The following GPC5 variants were observed in gnomAD, a reference collection of about 807,000 sequenced individuals.
GPC5 encodes the protein glypican-5.
GPC5 carries 47 observed loss-of-function variants against 53.9 expected under a neutral mutation model. The observed-to-expected ratio is 0.87, with a 90% CI of 0.69 to 1.11. The LOEUF (loss-of-function observed/expected upper bound fraction) is 1.11, where lower values mean the gene tolerates loss of function less well. Among genes scored for constraint, GPC5 ranks in the 50% most tolerant of loss-of-function variants. GPC5 has a pLI of 0.00. For synonymous variants in GPC5, 286 were observed against 263.3 expected, an observed-to-expected ratio of 1.09 and a Z score of -0.84; for missense variants, 748 against 713.1, an observed-to-expected ratio of 1.05 and a Z score of -0.56.
At chr13:91,570,744 A>T (rs1474475011) in intron 2 of GPC5, among the ~76,000 whole-genome samples, 1 of 152,162 alleles carries the variant, frequency 6.6e-6, no homozygotes, top group Non-Finnish European at 1.5e-5. Context: ...AATTAGAGCC[A>T]TCGGTGATTT....
At chr13:91,973,629 G>A (rs1335076718) in intron 6 of GPC5, among the ~76,000 whole-genome samples, 1 of 152,154 alleles carries the variant, frequency 6.6e-6, no homozygotes, top group Non-Finnish European at 1.5e-5. Context: ...TGATGGTGAT[G>A]TACAGATGGG....
At chr13:92,183,603 C>T (rs1222187852) in intron 7 of GPC5, among the ~76,000 whole-genome samples, 1 of 151,886 alleles carries the variant, frequency 6.6e-6, no homozygotes, top group Admixed American at 6.6e-5. Context: ...AGATTAAAAA[C>T]CCTTGGAAAA....
chr13:92,476,306 C>T (rs1161134743), intron 7 of GPC5, among the ~76,000 whole-genome samples: 1 of 152,162 alleles, frequency 6.6e-6, no homozygotes, highest in Non-Finnish European at 1.5e-5. Flanking sequence ...CTCATCATCA[C>T]TGGCTATCAG....
chr13:91,577,157 A>G (rs542069885), intron 2 of GPC5, among the ~76,000 whole-genome samples: 196 of 152,260 alleles, frequency 1.3e-3, no homozygotes, highest in African/African-American at 4.5e-3. Flanking sequence ...CCTGCCATAA[A>G]TTGACTGAAG....
At chr13:92,485,180 CT>C (rs1438281367) in intron 7 of GPC5, among the ~76,000 whole-genome samples, 1 of 152,098 alleles carries the variant, frequency 6.6e-6, no homozygotes, top group African/African-American at 2.4e-5. Context: ...AACACTAAAC[CT>C]GTGCAAATGA....
chr13:92,101,846 T>C (rs964032355), intron 6 of GPC5, among the ~76,000 whole-genome samples: 2 of 152,224 alleles, frequency 1.3e-5, no homozygotes, highest in Non-Finnish European at 2.9e-5. Flanking sequence ...TGGCATGTGA[T>C]GAAGACTATA....
At chr13:91,452,665 A>G (rs1881264791) in intron 2 of GPC5, among the ~76,000 whole-genome samples, 1 of 152,062 alleles carries the variant, frequency 6.6e-6, no homozygotes, top group African/African-American at 2.4e-5. Flanking sequence ...AAATAGGGGA[A>G]ATTGATGGAG....
intron 2 of GPC5, among the ~76,000 whole-genome samples, chr13:91,557,873 T>C (rs2031045177): frequency 6.6e-6 from 1 of 152,082 alleles, no homozygotes; most frequent in African/African-American, 2.4e-5. Context: ...AAAGCACAGG[T>C]TCTACAGCTT....
At position 91,520,684 on chromosome 13, in the gene GPC5, AT is replaced by A. The variant is rs112598494; in HGVS notation, c.325+71763del. On this transcript the variant is annotated intron_variant, in intron 2 of 7. Coordinates refer to ENST00000377067, the MANE Select transcript of GPC5 (RefSeq NM_004466.6). ...TGTGGGTATATATGTGTGTATATAT[AT>A]GTGTGTATATATGTATATATATGTG... 8.6e-5 allele frequency among the ~76,000 whole-genome samples: 13 copies of A among 151,740 alleles called. 1 individual carries two copies. The highest frequency in any genetic ancestry group is 3.2e-4 in the African/African-American group (13 of 41,266).
chr13:92,556,793 G>GTT (rs1309271054), intron 7 of GPC5, among the ~76,000 whole-genome samples: 3 of 151,824 alleles, frequency 2.0e-5, no homozygotes, highest in Non-Finnish European at 4.4e-5. Flanking sequence ...TTAAAACGGT[G>GTT]TTAATCATCT....
rs573317630 is a variant in GPC5 at position 91,913,323 on chromosome 13, C to T, written c.1401+5266C>T. ...CTGAGGCAGAAGAATCGCTTGAACC[C>T]GGGAGATGGAGGTTGCAGTGAGCCA... On this transcript the variant is annotated intron_variant, in intron 6 of 7. Coordinates refer to ENST00000377067, the MANE Select transcript of GPC5 (RefSeq NM_004466.6). Among the ~76,000 whole-genome samples, 7 of 150,762 alleles carry T rather than the reference C, an allele frequency of 4.6e-5. No homozygotes were observed. In the South Asian group the frequency reaches 8.4e-4, roughly 18 times the overall value.
At chr13:91,725,160 C>A (rs1169540791) in intron 3 of GPC5, 1 of 152,180 alleles carries the variant, frequency 6.6e-6, no homozygotes, top group African/African-American at 2.4e-5. Flanking sequence ...CTAAGAGAGT[C>A]ATTTCAAGGT....
intron 7 of GPC5, among the ~76,000 whole-genome samples, chr13:92,722,456 T>C (rs1888532502): frequency 6.6e-6 from 1 of 151,872 alleles, no homozygotes; most frequent in African/African-American, 2.4e-5. Flanking sequence ...CTTAGCCACT[T>C]AACCACAGAA....
intron 6 of GPC5, among the ~76,000 whole-genome samples, chr13:91,979,672 G>A (rs927171141): frequency 1.3e-5 from 2 of 152,186 alleles, no homozygotes; most frequent in Non-Finnish European, 2.9e-5. Context: ...TATTCCTGCG[G>A]CTCCTCTGTG....
chr13:91,532,358 G>A (rs557089668), intron 2 of GPC5, among the ~76,000 whole-genome samples: 1 of 152,204 alleles, frequency 6.6e-6, no homozygotes, highest in African/African-American at 2.4e-5. Context: ...CCAAATAAAT[G>A]AACTAATTGC....
At chr13:91,698,924 G>A (rs2035938619) in intron 3 of GPC5, among the ~76,000 whole-genome samples, 1 of 152,130 alleles carries the variant, frequency 6.6e-6, no homozygotes, top group Non-Finnish European at 1.5e-5. Flanking sequence ...AAGACACGCA[G>A]ACACACAGGC....
rs190131114 is a variant in GPC5, at chr13:92,618,352, T to C, written c.1562-247930T>C. On this transcript the variant is annotated intron_variant, in intron 7 of 7. Transcript: ENST00000377067. ...AGGAAAACTAGAAAAAAGTAGTATT[T>C]AGGTTAATTTGACTTCTGCTCCCCA... Among the ~76,000 whole-genome samples, 70 of 152,176 alleles carry C rather than the reference T, an allele frequency of 4.6e-4. 1 individual carries two copies. The highest frequency in any genetic ancestry group is 3.4e-3 in the Middle Eastern group (1 of 294).
chr13:91,740,321 A>AT (rs1362890065), intron 4 of GPC5, among the ~76,000 whole-genome samples: 1 of 151,954 alleles, frequency 6.6e-6, no homozygotes, highest in Non-Finnish European at 1.5e-5. Context: ...GTTCCTAACC[A>AT]TTTTTTTCTC....
chr13:91,880,439 AAT>A (rs2039252018), intron 5 of GPC5, among the ~76,000 whole-genome samples: 1 of 152,120 alleles, frequency 6.6e-6, no homozygotes, highest in Non-Finnish European at 1.5e-5. Flanking sequence ...CTTTTAACTT[AAT>A]ATGTAATTAG....
Sources: gnomAD v4.1 joint callset for allele counts (sites outside exome capture counted in the v4.1 genomes callset) on GRCh38, gnomAD v4.1.1 for gene constraint, MANE v1.5 for transcripts, NCBI Gene and HGNC (gene_info 2026-07-23, HGNC 2026-07-21) for gene names.